SUPT3H: variants seen among roughly 807,000 people sequenced by gnomAD.
The protein encoded by SUPT3H is transcription initiation protein SPT3 homolog.
Under a neutral mutation model 44.3 loss-of-function variants are expected in SUPT3H, and 44 were observed. The ratio of observed to expected loss-of-function variants is 0.99; its 90% CI spans 0.78 to 1.28. SUPT3H has a LOEUF of 1.28. Among genes scored for constraint, SUPT3H ranks in the 50% most tolerant of loss-of-function variants. The pLI is 0.00. For missense variants in SUPT3H, 380 were observed against 387.1 expected (o/e 0.98, Z 0.15); for synonymous variants, 124 against 125.6 (o/e 0.99, Z 0.09).
intron 2 of SUPT3H, among the ~76,000 whole-genome samples, chr6:45,211,299 C>A (rs1764036533): frequency 6.6e-6 from 1 of 152,034 alleles, no homozygotes; most frequent in Non-Finnish European, 1.5e-5. Context: ...AACAGTAAGG[C>A]TCCTACTCTC....
intron 10 of SUPT3H, among the ~76,000 whole-genome samples, chr6:44,889,834 A>T (rs374345494): frequency 6.6e-6 from 1 of 152,186 alleles, no homozygotes; most frequent in South Asian, 2.1e-4. Flanking sequence ...CAACCTACAA[A>T]ATGGGAGAAA....
At chr6:45,255,602 T>C (rs908558453) in intron 2 of SUPT3H, among the ~76,000 whole-genome samples, 4 of 151,878 alleles carry the variant, frequency 2.6e-5, no homozygotes, top group Admixed American at 6.6e-5. Context: ...TTTTTAATTT[T>C]TGTAGAAATG....
At chr6:44,932,267 G>A (rs1477483235) in intron 10 of SUPT3H, among the ~76,000 whole-genome samples, 3 of 152,178 alleles carry the variant, frequency 2.0e-5, no homozygotes, top group African/African-American at 7.2e-5. Flanking sequence ...CTAAAAGCAT[G>A]TTTAGGAGAA....
chr6:44,998,548 G>C (rs1024811502), intron 6 of SUPT3H, among the ~76,000 whole-genome samples: 4 of 151,852 alleles, frequency 2.6e-5, no homozygotes, highest in Admixed American at 2.0e-4. Flanking sequence ...CTTTTATTGA[G>C]AGCTCCTTGA....
chr6:44,977,411 T>C (rs1582863140), intron 6 of SUPT3H, among the ~76,000 whole-genome samples: 4 of 152,292 alleles, frequency 2.6e-5, no homozygotes, highest in Admixed American at 2.6e-4. Context: ...TTTCCATTTA[T>C]AGAAGAAACT....
At chr6:45,164,263 TCA>T (rs1181486620) in intron 2 of SUPT3H, among the ~76,000 whole-genome samples, 1 of 152,150 alleles carries the variant, frequency 6.6e-6, no homozygotes, top group Non-Finnish European at 1.5e-5. Flanking sequence ...ACTCTGAACC[TCA>T]GTTTCTCTTT....
chr6:45,223,661 A>AAAAC (rs1766435516), intron 2 of SUPT3H, among the ~76,000 whole-genome samples: 1 of 151,944 alleles, frequency 6.6e-6, no homozygotes, highest in Non-Finnish European at 1.5e-5. Context: ...AACTAAAGCT[A>AAAAC]AGTTGCAAGC....
intron 3 of SUPT3H, among the ~76,000 whole-genome samples, chr6:45,096,805 G>GTT (rs534818011): frequency 3.3e-5 from 5 of 151,150 alleles, no homozygotes; most frequent in Non-Finnish European, 7.4e-5. Flanking sequence ...ACTAAGGGAG[G>GTT]TTTTTTTTTA....
intron 2 of SUPT3H, among the ~76,000 whole-genome samples, chr6:45,300,852 C>A (rs921062885): frequency 6.0e-5 from 9 of 149,506 alleles, no homozygotes; most frequent in Non-Finnish European, 1.5e-5. Context: ...ACTCTGTGCA[C>A]ATGATTGAGG....
intron 3 of SUPT3H, among the ~76,000 whole-genome samples, chr6:45,083,200 TATTA>T (rs1562422690): frequency 3.3e-5 from 5 of 149,604 alleles, no homozygotes; most frequent in African/African-American, 1.2e-4. Context: ...TTATTATTAT[TATTA>T]TTTTTCAGAC....
At chr6:45,048,221 CTTT>C (rs67557043) in intron 3 of SUPT3H, among the ~76,000 whole-genome samples, 6 of 88,188 alleles carry the variant, frequency 6.8e-5, no homozygotes, top group African/African-American at 3.7e-4. Context: ...TCTCTCTACT[CTTT>C]TTTTTTTTTT....
chr6:44,961,625 T>C (rs1456573853), intron 7 of SUPT3H, 128 bp downstream of exon 7: 4 of 717,390 alleles, frequency 5.6e-6, no homozygotes, highest in Admixed American at 5.9e-5. Context: ...ACGTTGTTTG[T>C]ATAGCACTTA....
chr6:45,348,454 G>A (rs959746254), intron 2 of SUPT3H, among the ~76,000 whole-genome samples: 10 of 142,892 alleles, frequency 7.0e-5, no homozygotes, highest in African/African-American at 2.6e-4. Flanking sequence ...CTCACTTGAG[G>A]TCTAGAGTTC....
intron 2 of SUPT3H, among the ~76,000 whole-genome samples, chr6:45,121,351 T>C (rs1210882303): frequency 1.3e-5 from 2 of 152,340 alleles, no homozygotes; most frequent in East Asian, 1.9e-4. Flanking sequence ...ATGCTCTGTA[T>C]GTCCTGGGGA....
chr6:45,310,334 T>A (rs1297714756), intron 2 of SUPT3H, among the ~76,000 whole-genome samples: 1 of 152,110 alleles, frequency 6.6e-6, no homozygotes, highest in African/African-American at 2.4e-5. Flanking sequence ...CTGACAGGAT[T>A]TCCCTAGGAA....
At chr6:45,042,906 A>G (rs1030662614) in intron 3 of SUPT3H, among the ~76,000 whole-genome samples, 7 of 152,204 alleles carry the variant, frequency 4.6e-5, no homozygotes, top group Admixed American at 2.6e-4. Context: ...TTAATGCTTA[A>G]AAAAACTGCT....
At chr6:45,075,392 G>C (rs908707066) in intron 3 of SUPT3H, among the ~76,000 whole-genome samples, 1 of 152,084 alleles carries the variant, frequency 6.6e-6, no homozygotes, top group Non-Finnish European at 1.5e-5. Flanking sequence ...TGGTATTTGT[G>C]AGCAATACTT....
chr6:45,157,860 A>G (rs911628262), intron 2 of SUPT3H, among the ~76,000 whole-genome samples: 5 of 151,502 alleles, frequency 3.3e-5, no homozygotes, highest in Non-Finnish European at 7.4e-5. Flanking sequence ...TTATATTTTT[A>G]AAAAGCTTTT....
At chr6:45,291,654 G>A (rs181304536) in intron 2 of SUPT3H, among the ~76,000 whole-genome samples, 1 of 152,074 alleles carries the variant, frequency 6.6e-6, no homozygotes. Flanking sequence ...AAATGCTCTG[G>A]AAAGTCTCAG....
Sources: allele counts gnomAD v4.1 joint callset (sites outside exome capture counted in the v4.1 genomes callset), GRCh38; gene constraint gnomAD v4.1.1; transcripts MANE v1.5; gene names NCBI Gene and HGNC (gene_info 2026-07-23, HGNC 2026-07-21).